The following MADD variants were observed in gnomAD, a reference collection of about 807,000 sequenced individuals.
The protein encoded by MADD is MAP kinase-activating death domain protein.
A neutral mutation model predicts 176.7 loss-of-function variants in MADD; 109 were observed. That is an observed-to-expected ratio of 0.62 (90% confidence interval 0.53 to 0.72). The LOEUF is 0.72. Among genes scored for constraint, MADD ranks in the 30% least tolerant of loss-of-function variants. The pLI is 0.00. For missense variants in MADD, 1,914 were observed against 2,045.5 expected (o/e 0.94, Z 1.24); for synonymous variants, 771 against 771.3 (o/e 1.00, Z 0.01).
exon 28 of MADD, chr11:47,323,689 G>A (rs2094939788): frequency 1.2e-6 from 2 of 1,613,514 alleles, no homozygotes; most frequent in African/African-American, 2.7e-5. Context: ...TGACTGTGTG[G>A]TGTTGCGTAG....
intron 26 of MADD, 136 bp downstream of exon 29, chr11:47,311,978 C>T: frequency 1.6e-6 from 1 of 606,370 alleles, no homozygotes; most frequent in South Asian, 2.0e-5. Context: ...TCCCTGTGTT[C>T]TGTGATGGGA....
At chr11:47,285,405 TC>T (rs747941461) in intron 13 of MADD, 45 bp from the exon 14 acceptor site, 1 of 1,612,052 alleles carries the variant, frequency 6.2e-7, no homozygotes. Flanking sequence ...ACTCCCAAGA[TC>T]AGGTACCCCT....
chr11:47,293,886 C>T (rs2067781587), exon 20 of MADD: 1 of 1,611,724 alleles, frequency 6.2e-7, no homozygotes, highest in African/African-American at 1.3e-5. Flanking sequence ...TACTCAGGGC[C>T]TGAAGTAATC....
Position 47,296,012 on chromosome 11 carries a change from C to CT in MADD, c.3600dup (p.Asp1201Ter). ...CTGGCAAGCTCTCGGGGCACTTTGT[C>CT]TGATAGTGAAATTGAGACCAACTCT... is the stretch of plus-strand genomic sequence containing the variant. On this transcript the variant is annotated frameshift_variant, in exon 22 of 33. Transcript: ENST00000402192. LOFTEE classifies it high-confidence loss of function. 6.2e-7 allele frequency: 1 copy of CT among 1,614,118 alleles called. No homozygotes were observed. The highest frequency in any genetic ancestry group is 2.2e-5 in the East Asian group (1 of 44,884).
intron 27 of MADD, among the ~76,000 whole-genome samples, chr11:47,316,237 A>G (rs1335509149): frequency 6.6e-6 from 1 of 152,190 alleles, no homozygotes; most frequent in Non-Finnish European, 1.5e-5. Context: ...ATAAATCAGA[A>G]TAACAGAAAA....
intron 27 of MADD, among the ~76,000 whole-genome samples, chr11:47,322,347 T>C (rs1022755167): frequency 3.3e-5 from 5 of 151,972 alleles, no homozygotes; most frequent in Non-Finnish European, 7.4e-5. Context: ...GTGGCTCACG[T>C]CTGTAATCCC....
chr11:47,326,163 C>T (rs1007141726), intron 30 of MADD, among the ~76,000 whole-genome samples: 24 of 152,168 alleles, frequency 1.6e-4, no homozygotes, highest in Non-Finnish European at 1.6e-4. Context: ...TACTGTGTCA[C>T]GTAGTAGGTG....
intron 27 of MADD, among the ~76,000 whole-genome samples, chr11:47,321,251 G>C (rs78250764): frequency 1.4e-3 from 215 of 152,264 alleles, no homozygotes; most frequent in African/African-American, 5.0e-3. Flanking sequence ...AAGGTGGAGT[G>C]GTATTGTCCA....
intron 8 of MADD, among the ~76,000 whole-genome samples, chr11:47,282,136 AG>A (rs759876920): frequency 5.9e-5 from 9 of 152,062 alleles, no homozygotes; most frequent in African/African-American, 9.7e-5. Flanking sequence ...CACCCAGCCC[AG>A]GGTTTCTTTA....
intron 10 of MADD, 77 bp downstream of exon 10, chr11:47,283,046 C>A: frequency 7.3e-7 from 1 of 1,379,264 alleles, no homozygotes; most frequent in Non-Finnish European, 9.9e-7. Flanking sequence ...ACAGAGAAGG[C>A]AAAGTCTCAT....
At chr11:47,309,703 A>C (rs936868908) in intron 25 of MADD, 91 bp downstream of exon 28, 23 of 921,836 alleles carry the variant, frequency 2.5e-5, no homozygotes, top group Non-Finnish European at 4.1e-5. Flanking sequence ...CTGGGAAGCT[A>C]TCAAGGTATC....
At chr11:47,301,650 A>G (rs561868798) in intron 22 of MADD, among the ~76,000 whole-genome samples, 116 of 152,302 alleles carry the variant, frequency 7.6e-4, no homozygotes, top group Non-Finnish European at 1.3e-3. Context: ...TTGTGTGAAG[A>G]AATTTTTAAA....
intron 6 of MADD, among the ~76,000 whole-genome samples, 181 bp downstream of exon 6, chr11:47,278,459 C>T (rs1006655826): frequency 1.3e-5 from 2 of 152,166 alleles, no homozygotes. Flanking sequence ...GCCAAATAAA[C>T]CCTTGGTTAG....
chr11:47,296,757 T>G (rs2072443716), intron 22 of MADD, among the ~76,000 whole-genome samples: 1 of 144,832 alleles, frequency 6.9e-6, no homozygotes, highest in South Asian at 2.2e-4. Flanking sequence ...GACATCTGTT[T>G]TTTGTTGTTT....
intron 13 of MADD, 114 bp downstream of exon 13, chr11:47,285,308 C>T (rs1021850834): frequency 5.8e-6 from 9 of 1,550,252 alleles, no homozygotes; most frequent in Non-Finnish European, 7.0e-6. Context: ...GTGGTCCTGC[C>T]ATCCCCAGAG....
intron 22 of MADD, among the ~76,000 whole-genome samples, chr11:47,304,087 G>C (rs895775606): frequency 6.6e-6 from 1 of 152,044 alleles, no homozygotes. Context: ...TACTTAATGA[G>C]ATCCCCTAAG....
chr11:47,280,827 A>G (rs2055927936), intron 7 of MADD, among the ~76,000 whole-genome samples: 1 of 152,158 alleles, frequency 6.6e-6, no homozygotes, highest in Non-Finnish European at 1.5e-5. Flanking sequence ...TTGGCCTCCC[A>G]AAGTATTGGG....
Position 47,273,927 on chromosome 11 carries a change from A to G in MADD, c.13A>G (p.Lys5Glu). Residue 5 changes from lysine (K) to glutamate (E), a missense_variant, in exon 2 of 33, where the codon AAG becomes GAG. Around this residue, in one of 2 missense-constraint regions of MADD, gnomAD observed 1,767 missense variants for 1,836.0 expected, o/e 0.96. Transcript: ENST00000402192. ...ATGAATTGGAACCATGGTGCAAAAG[A>G]AGAAGTTCTGTCCTCGGTTACTTGA... 4 of 1,614,130 alleles carry G rather than the reference A, an allele frequency of 2.5e-6. No homozygotes were observed. The South Asian group carries it at 3.3e-5, about 13-fold the overall frequency.
intron 26 of MADD, among the ~76,000 whole-genome samples, chr11:47,314,287 T>C (rs67871383): frequency 0.26 from 39,692 of 150,748 alleles, 6,033 homozygotes; most frequent in Middle Eastern, 0.39. Context: ...CCCAGGCTGG[T>C]CTCCAACTCC....
Sources: gnomAD v4.1 joint callset for allele counts (sites outside exome capture counted in the v4.1 genomes callset) on GRCh38, gnomAD v4.1.1 for gene constraint, gnomAD v4.1.1 regional missense constraint, MANE v1.5 for transcripts, NCBI Gene and HGNC (gene_info 2026-07-23, HGNC 2026-07-21) for gene names.